Variants in EEPD1 observed in about 807,000 individuals in gnomAD.
EEPD1 encodes endonuclease/exonuclease/phosphatase family domain-containing protein 1.
Under a neutral mutation model 46.3 loss-of-function variants are expected in EEPD1, and 17 were observed. The observed-to-expected ratio is 0.37, with a 90% confidence interval of 0.25 to 0.55. The LOEUF is 0.55. EEPD1 is among the 20% of genes least tolerant of loss of function. The pLI is 0.83. For missense variants in EEPD1, 673 were observed against 745.6 expected (o/e 0.90, Z 1.13); for synonymous variants, 313 against 315.6 (o/e 0.99, Z 0.09).
In EEPD1 at chr7:36,156,508, C is replaced by A. The variant is rs958627342; in HGVS notation, c.878+1306C>A. Among the ~76,000 whole-genome samples the A allele has an allele frequency of 2.0e-5, 3 of 152,148 alleles. No homozygotes were observed. In the East Asian group the frequency reaches 5.8e-4, roughly 29 times the overall value. ...TAAAGAATGGCTTGATAATTGTTCTCTTTATCCATAGCAGCATGGGCGTGT... is the reference window on the plus strand; with the variant it reads ...TAAAGAATGGCTTGATAATTGTTCTATTTATCCATAGCAGCATGGGCGTGT... On this transcript the variant is annotated intron_variant, in intron 2 of 7. Transcript: ENST00000242108.
Position 36,293,930 on chromosome 7 carries a change from CT to C in EEPD1, c.1316-3062del, listed in dbSNP as rs768817243. On this transcript the variant is annotated intron_variant, in intron 6 of 7. Transcript: ENST00000242108. ...AGTGAGCCGAGATCGTGCCACTGTA[CT>C]CCAGCCTGGGCGACAGAGTGAGACT... 2.0e-4 allele frequency among the ~76,000 whole-genome samples: 31 copies of C among 151,816 alleles called. No homozygotes were observed. The East Asian group carries it at 5.4e-3, about 27-fold the overall frequency.
intron 2 of EEPD1, among the ~76,000 whole-genome samples, chr7:36,179,387 A>G (rs1370232666): frequency 6.6e-6 from 1 of 152,200 alleles, no homozygotes; most frequent in Non-Finnish European, 1.5e-5. Context: ...ACATGCTCAA[A>G]TGCTATAAAG....
chr7:36,230,287 A>G (rs1786300537), intron 2 of EEPD1, among the ~76,000 whole-genome samples: 1 of 150,800 alleles, frequency 6.6e-6, no homozygotes, highest in African/African-American at 2.4e-5. Context: ...TCCATTCTCA[A>G]CACCATGGCC....
At chr7:36,180,021 C>T (rs531271302) in intron 2 of EEPD1, among the ~76,000 whole-genome samples, 27 of 151,954 alleles carry the variant, frequency 1.8e-4, no homozygotes, top group African/African-American at 3.6e-4. Flanking sequence ...AAGCGTGGCT[C>T]CTCCCCAGCA....
intron 2 of EEPD1, among the ~76,000 whole-genome samples, chr7:36,176,984 T>G (rs1052363541): frequency 2.6e-5 from 4 of 152,214 alleles, no homozygotes; most frequent in Non-Finnish European, 5.9e-5. Flanking sequence ...ACACACATTT[T>G]TAGAGACAGA....
chr7:36,257,523 T>C (rs1255371785), intron 3 of EEPD1, among the ~76,000 whole-genome samples: 1 of 152,202 alleles, frequency 6.6e-6, no homozygotes, highest in Admixed American at 6.5e-5. Flanking sequence ...GTTCGTTCCT[T>C]TTCATTCTTT....
intron 3 of EEPD1, among the ~76,000 whole-genome samples, chr7:36,264,191 T>G (rs1786975373): frequency 6.6e-6 from 1 of 152,206 alleles, no homozygotes; most frequent in Non-Finnish European, 1.5e-5. Flanking sequence ...TTTCATTTTG[T>G]TTCAGTTCCT....
chr7:36,170,009 T>C (rs1268476890), intron 2 of EEPD1, among the ~76,000 whole-genome samples: 1 of 152,218 alleles, frequency 6.6e-6, no homozygotes, highest in Non-Finnish European at 1.5e-5. Context: ...CATCACAATA[T>C]CTGCAAATCA....
chr7:36,268,929 C>T (rs567069053), intron 3 of EEPD1, among the ~76,000 whole-genome samples: 1 of 152,330 alleles, frequency 6.6e-6, no homozygotes, highest in East Asian at 1.9e-4. Flanking sequence ...TGAATCCAGG[C>T]AGCCTTTCTC....
chr7:36,186,209 G>A (rs2052263), intron 2 of EEPD1, among the ~76,000 whole-genome samples: 17,526 of 152,012 alleles, frequency 0.12, 1,054 homozygotes, highest in Admixed American at 0.16. Flanking sequence ...CCCACTCTCT[G>A]CTGGGTAGTG....
chr7:36,265,543 G>A (rs1333381879), intron 3 of EEPD1, among the ~76,000 whole-genome samples: 1 of 152,186 alleles, frequency 6.6e-6, no homozygotes. Flanking sequence ...CATTTTCTTT[G>A]GATTTGAGTA....
At chr7:36,229,671 C>T (rs2115762618) in intron 2 of EEPD1, among the ~76,000 whole-genome samples, 1 of 152,306 alleles carries the variant, frequency 6.6e-6, no homozygotes, top group African/African-American at 2.4e-5. Flanking sequence ...CTTTGCTTAC[C>T]TGGCATTCTG....
chr7:36,241,473 A>T (rs111948313), intron 3 of EEPD1, among the ~76,000 whole-genome samples: 1 of 151,976 alleles, frequency 6.6e-6, no homozygotes, highest in Admixed American at 6.5e-5. Flanking sequence ...ACTCTGTCTC[A>T]AAATAAATAA....
At chr7:36,208,638 A>G (rs537328631) in intron 2 of EEPD1, among the ~76,000 whole-genome samples, 182 of 152,326 alleles carry the variant, frequency 1.2e-3, no homozygotes, top group African/African-American at 4.3e-3. Flanking sequence ...TGGGCCCCCT[A>G]TCCCTCTGTT....
chr7:36,196,611 A>G (rs867558212), intron 2 of EEPD1, among the ~76,000 whole-genome samples: 1 of 152,146 alleles, frequency 6.6e-6, no homozygotes, highest in Non-Finnish European at 1.5e-5. Context: ...ACGGGGTTTC[A>G]CTGTGTTGGC....
At chr7:36,266,383 G>A (rs1275662818) in intron 3 of EEPD1, among the ~76,000 whole-genome samples, 1 of 152,060 alleles carries the variant, frequency 6.6e-6, no homozygotes, top group Non-Finnish European at 1.5e-5. Context: ...TCGCAGTCTA[G>A]AGGCAGCCTC....
At chr7:36,188,014 T>G (rs1457296909) in intron 2 of EEPD1, among the ~76,000 whole-genome samples, 1 of 150,810 alleles carries the variant, frequency 6.6e-6, no homozygotes, top group African/African-American at 2.5e-5. Flanking sequence ...GTCAGGCTGG[T>G]CTTGAACACT....
intron 5 of EEPD1, among the ~76,000 whole-genome samples, chr7:36,285,083 G>C (rs1022097663): frequency 1.3e-5 from 2 of 152,140 alleles, no homozygotes; most frequent in African/African-American, 2.4e-5. Context: ...ATTTGGTATA[G>C]CTCCTAAACC....
intron 2 of EEPD1, among the ~76,000 whole-genome samples, chr7:36,160,725 C>G (rs566516324): frequency 2.0e-5 from 3 of 148,772 alleles, no homozygotes; most frequent in African/African-American, 7.4e-5. Flanking sequence ...AGTGAAGAAG[C>G]TGTTGCAGGA....
Sources: allele counts gnomAD v4.1 joint callset (sites outside exome capture counted in the v4.1 genomes callset), GRCh38; gene constraint gnomAD v4.1.1; transcripts MANE v1.5; gene names NCBI Gene and HGNC (gene_info 2026-07-23, HGNC 2026-07-21).